Variants in CAST observed in about 807,000 individuals in gnomAD.
The protein encoded by CAST is MIR583 host.
CAST carries 76 observed loss-of-function variants against 119.6 expected under a neutral mutation model. The ratio of observed to expected loss-of-function variants is 0.64; its 90% confidence interval spans 0.53 to 0.77. The LOEUF (loss-of-function observed/expected upper bound fraction) is 0.77. CAST is among the 30% of genes least tolerant of loss of function. CAST has a pLI of 0.00. For synonymous variants in CAST, 319 were observed against 331.6 expected (o/e 0.96, Z 0.41); for missense variants, 953 against 946.5 (o/e 1.01, Z -0.09).
the CAST span, among the ~76,000 whole-genome samples, chr5:96,471,645 C>T: frequency 6.6e-6 from 1 of 152,208 alleles, no homozygotes; most frequent in Middle Eastern, 3.4e-3. Context: ...TTAAGTGACA[C>T]ACAGAAAATC....
the CAST span, among the ~76,000 whole-genome samples, chr5:96,030,398 T>C: frequency 6.6e-6 from 1 of 152,178 alleles, no homozygotes; most frequent in Admixed American, 6.6e-5. Flanking sequence ...CCTAGGGAAA[T>C]GCTTCTCTTC....
At chr5:96,510,258 A>G in the CAST span, among the ~76,000 whole-genome samples, 2 of 152,230 alleles carry the variant, frequency 1.3e-5, 1 homozygote, top group Non-Finnish European at 2.9e-5. Flanking sequence ...TGAGGGGCAC[A>G]TTCATCCAAT....
At chr5:96,354,681 T>C in the CAST span, among the ~76,000 whole-genome samples, 1 of 149,184 alleles carries the variant, frequency 6.7e-6, no homozygotes, top group African/African-American at 2.4e-5. Flanking sequence ...ATATATTATG[T>C]ATATTATATA....
At chr5:96,766,170 C>A in intron 27 of CAST, 25 bp downstream of exon 27, 1 of 1,245,296 alleles carries the variant, frequency 8.0e-7, no homozygotes, top group Non-Finnish European at 1.2e-6. Context: ...ATTGCTAGAT[C>A]GGATTTATGC....
intron 1 of CAST, among the ~76,000 whole-genome samples, chr5:96,588,360 C>T (rs1746897750): frequency 6.6e-6 from 1 of 151,874 alleles, no homozygotes; most frequent in African/African-American, 2.4e-5. Flanking sequence ...CGCCACCATG[C>T]CCAGCTAATT....
chr5:96,016,828 G>GT, the CAST span, among the ~76,000 whole-genome samples: 1 of 142,966 alleles, frequency 7.0e-6, no homozygotes, highest in Admixed American at 7.0e-5. Flanking sequence ...TGGTTATCTG[G>GT]GTTTTTTTTT....
At chr5:96,307,266 T>A in the CAST span, among the ~76,000 whole-genome samples, 6 of 152,218 alleles carry the variant, frequency 3.9e-5, no homozygotes, top group African/African-American at 1.4e-4. Flanking sequence ...GAGACTAGGA[T>A]TGTGACCCCT....
At chr5:96,741,225 T>G (rs1226962650) in intron 13 of CAST, 41 bp from the exon 14 acceptor site, 3 of 1,057,812 alleles carry the variant, frequency 2.8e-6, no homozygotes, top group Non-Finnish European at 4.4e-6. Context: ...TCCACTTGAG[T>G]GCTTCCCGTA....
intron 2 of CAST, among the ~76,000 whole-genome samples, chr5:96,693,374 T>G (rs1396577928): frequency 6.6e-6 from 1 of 152,254 alleles, no homozygotes; most frequent in Non-Finnish European, 1.5e-5. Flanking sequence ...AAATACAAAT[T>G]TTTAAATTCT....
At chr5:96,331,655 C>A in the CAST span, among the ~76,000 whole-genome samples, 1 of 152,046 alleles carries the variant, frequency 6.6e-6, no homozygotes, top group Non-Finnish European at 1.5e-5. Flanking sequence ...TATTTATTTT[C>A]TGCAAGTAAC....
At chr5:96,416,912 G>T in the CAST span, among the ~76,000 whole-genome samples, 5 of 152,196 alleles carry the variant, frequency 3.3e-5, no homozygotes, top group South Asian at 8.3e-4. Flanking sequence ...GATGATAATT[G>T]TCTTTTCCCA....
chr5:96,689,580 G>A (rs2150289211), intron 2 of CAST, among the ~76,000 whole-genome samples: 1 of 152,238 alleles, frequency 6.6e-6, no homozygotes, highest in East Asian at 1.9e-4. Flanking sequence ...AAATACATGT[G>A]TGCACACATG....
chr5:96,236,545 C>G, the CAST span, among the ~76,000 whole-genome samples: 1 of 152,080 alleles, frequency 6.6e-6, no homozygotes, highest in Non-Finnish European at 1.5e-5. Flanking sequence ...TCCGTGAATC[C>G]CGCTGAATTT....
chr5:96,444,651 T>C, the CAST span, among the ~76,000 whole-genome samples: 3 of 152,236 alleles, frequency 2.0e-5, no homozygotes, highest in African/African-American at 4.8e-5. Context: ...TAAATGTTCC[T>C]TTTAATTTCT....
At chr5:96,362,656 A>C in the CAST span, among the ~76,000 whole-genome samples, 3 of 152,176 alleles carry the variant, frequency 2.0e-5, no homozygotes, top group Non-Finnish European at 2.9e-5. Context: ...CTGTTCATAT[A>C]CTTTACCCAC....
At chr5:96,421,932 T>C in the CAST span, 5 of 1,572,040 alleles carry the variant, frequency 3.2e-6, no homozygotes, top group African/African-American at 5.6e-5. Context: ...TCATTATCAT[T>C]AAAATCATAG....
chr5:96,075,988 G>A, the CAST span, among the ~76,000 whole-genome samples: 2 of 152,200 alleles, frequency 1.3e-5, no homozygotes, highest in Non-Finnish European at 2.9e-5. Context: ...GTGCCTTCTT[G>A]CCTTTGGAGA....
At chr5:96,239,943 G>A in the CAST span, among the ~76,000 whole-genome samples, 1 of 151,522 alleles carries the variant, frequency 6.6e-6, no homozygotes, top group East Asian at 1.9e-4. Context: ...TTTTACCCAG[G>A]CACACTTATA....
At chr5:96,423,556 C>T in the CAST span, 1 of 1,089,344 alleles carries the variant, frequency 9.2e-7, no homozygotes, top group East Asian at 2.4e-5. Flanking sequence ...CTTTCTTTTT[C>T]CTTGGGTCAC....
Sources: gnomAD v4.1 joint callset for allele counts (sites outside exome capture counted in the v4.1 genomes callset) on GRCh38, gnomAD v4.1.1 for gene constraint, MANE v1.5 for transcripts, NCBI Gene and HGNC (gene_info 2026-07-23, HGNC 2026-07-21) for gene names.